STAG1: variants seen among roughly 807,000 people sequenced by gnomAD.
The protein encoded by STAG1 is cohesin subunit SA-1.
Under a neutral mutation model 170.9 loss-of-function variants are expected in STAG1, and 26 were observed. That is an observed-to-expected ratio of 0.15 (90% CI 0.11 to 0.21). The LOEUF (loss-of-function observed/expected upper bound fraction) is 0.21, where lower values mean the gene tolerates loss of function less well. Among genes scored for constraint, STAG1 ranks in the 10% least tolerant of loss-of-function variants. The probability of loss-of-function intolerance (pLI) is 1.00; values close to 1 mark genes in which losing one functional copy is unlikely to be tolerated. For missense variants in STAG1, 964 were observed against 1,509.5 expected (o/e 0.64, Z 5.99); for synonymous variants, 514 against 497.7 (o/e 1.03, Z -0.44).
At chr3:136,420,192 A>C (rs556358275) in intron 20 of STAG1, among the ~76,000 whole-genome samples, 60 of 145,986 alleles carry the variant, frequency 4.1e-4, no homozygotes, top group African/African-American at 1.5e-3. Context: ...AGTTGCAGTG[A>C]GCCGAGATCG....
chr3:136,369,547 A>T (rs1937211443), intron 23 of STAG1, among the ~76,000 whole-genome samples: 1 of 152,148 alleles, frequency 6.6e-6, no homozygotes. Flanking sequence ...GCTCATTAAG[A>T]TAGTTTGACT....
chr3:136,356,213 C>T (rs1936647364), intron 28 of STAG1, among the ~76,000 whole-genome samples: 1 of 152,006 alleles, frequency 6.6e-6, no homozygotes, highest in Non-Finnish European at 1.5e-5. Flanking sequence ...TGCTGTGCCC[C>T]CTGGCATTAG....
chr3:136,574,823 TCTAA>T (rs1417870988), intron 4 of STAG1, among the ~76,000 whole-genome samples: 10 of 152,192 alleles, frequency 6.6e-5, no homozygotes, highest in African/African-American at 1.2e-4. Flanking sequence ...ACTAATGTGA[TCTAA>T]CTAATACATA....
chr3:136,603,651 G>A lies in STAG1; in HGVS notation c.297+658C>T, dbSNP rs574125479. On this transcript the variant is annotated intron_variant, in intron 4 of 33. Coordinates refer to ENST00000383202, the MANE Select transcript of STAG1 (RefSeq NM_005862.3). ...TGTAATCCCAGTACTTTGGGAGGCC[G>A]AGGCAGGTGGATCACGAGGTCAGCA... is the stretch of plus-strand genomic sequence containing the variant. Among the ~76,000 whole-genome samples the A allele has an allele frequency of 1.4e-4, 21 of 152,256 alleles. No homozygotes were observed. In the East Asian group the frequency reaches 1.9e-3, roughly 14 times the overall value.
chr3:136,646,995 T>C (rs1021024473), intron 1 of STAG1, among the ~76,000 whole-genome samples: 2 of 152,144 alleles, frequency 1.3e-5, no homozygotes, highest in African/African-American at 2.4e-5. Context: ...TAATGAATGT[T>C]TGAGATGATA....
rs546712458 is a variant in STAG1, at chr3:136,360,189, C to T, written c.2788-893G>A. 2.0e-5 allele frequency among the ~76,000 whole-genome samples: 3 copies of T among 152,310 alleles called. No individual in the cohort carries two copies. The South Asian group carries it at 6.2e-4, about 32-fold the overall frequency. On this transcript the variant is annotated intron_variant, in intron 26 of 33. Transcript: ENST00000383202. ...CTAAAAACTTAATTTTATCTGTAGA[C>T]ATCTACCTTTCCTCCTGTTATGAGG... is the stretch of plus-strand genomic sequence containing the variant.
intron 1 of STAG1, among the ~76,000 whole-genome samples, chr3:136,677,958 T>C (rs929594390): frequency 1.4e-5 from 2 of 147,572 alleles, no homozygotes; most frequent in Non-Finnish European, 3.0e-5. Context: ...TTTATATATG[T>C]ATATAATATA....
intron 22 of STAG1, among the ~76,000 whole-genome samples, chr3:136,384,318 C>T (rs916694988): frequency 6.6e-6 from 1 of 151,442 alleles, no homozygotes; most frequent in African/African-American, 2.4e-5. Flanking sequence ...GGTGTGGTGG[C>T]ACATGTCTGT....
intron 22 of STAG1, among the ~76,000 whole-genome samples, chr3:136,392,893 T>C (rs1332856501): frequency 6.6e-6 from 1 of 152,030 alleles, no homozygotes; most frequent in Non-Finnish European, 1.5e-5. Flanking sequence ...ATAATAAGCA[T>C]ATGCTGAAGT....
At chr3:136,745,119 G>C (rs1934871212) in intron 1 of STAG1, among the ~76,000 whole-genome samples, 1 of 152,180 alleles carries the variant, frequency 6.6e-6, no homozygotes, top group African/African-American at 2.4e-5. Context: ...TTTTGTAACT[G>C]CTAGCAGAAG....
intron 14 of STAG1, among the ~76,000 whole-genome samples, chr3:136,446,560 T>C (rs1479958881): frequency 6.6e-6 from 1 of 151,866 alleles, no homozygotes; most frequent in African/African-American, 2.4e-5. Context: ...GTAGCTGAGA[T>C]GACAGGCACC....
intron 32 of STAG1, among the ~76,000 whole-genome samples, chr3:136,339,725 A>G (rs189247907): frequency 9.6e-4 from 146 of 152,308 alleles, no homozygotes; most frequent in Admixed American, 8.2e-3. Context: ...TAACTACTAC[A>G]ATGTGTTGTC....
chr3:136,466,420 G>T (rs1177605299), intron 12 of STAG1, among the ~76,000 whole-genome samples: 1 of 152,110 alleles, frequency 6.6e-6, no homozygotes, highest in Non-Finnish European at 1.5e-5. Flanking sequence ...AAGATCAAAT[G>T]AATGAAATGA....
At chr3:136,736,768 T>C (rs878946029) in intron 1 of STAG1, 28 of 1,600,204 alleles carry the variant, frequency 1.7e-5, no homozygotes, top group South Asian at 1.1e-4. Flanking sequence ...TCTGTTTATA[T>C]ACAGCTTGTT....
intron 3 of STAG1, 122 bp downstream of exon 3, chr3:136,623,022 ATC>A: frequency 1.3e-6 from 1 of 745,910 alleles, no homozygotes; most frequent in Non-Finnish European, 2.2e-6. Context: ...AAAGTTTCCA[ATC>A]TCTATTGTGT....
chr3:136,499,237 G>A (rs1933332763), intron 9 of STAG1, among the ~76,000 whole-genome samples: 1 of 152,138 alleles, frequency 6.6e-6, no homozygotes, highest in South Asian at 2.1e-4. Context: ...CCAGACTGGA[G>A]TGCAGTGGCG....
chr3:136,524,779 T>G (rs1934903326), intron 6 of STAG1, among the ~76,000 whole-genome samples: 1 of 152,228 alleles, frequency 6.6e-6, no homozygotes, highest in Non-Finnish European at 1.5e-5. Flanking sequence ...CATCAATACC[T>G]AATTTATTGA....
At chr3:136,453,094 CAT>C (rs2088992885) in intron 13 of STAG1, among the ~76,000 whole-genome samples, 3 of 152,200 alleles carry the variant, frequency 2.0e-5, no homozygotes, top group Admixed American at 2.0e-4. Flanking sequence ...GTAATTATAA[CAT>C]ATAACCAAAT....
intron 1 of STAG1, among the ~76,000 whole-genome samples, chr3:136,663,690 G>A (rs980232416): frequency 1.3e-5 from 2 of 152,090 alleles, no homozygotes; most frequent in Non-Finnish European, 2.9e-5. Flanking sequence ...AATTGAACAC[G>A]GTGGACTGAG....
Sources: allele counts gnomAD v4.1 joint callset (sites outside exome capture counted in the v4.1 genomes callset), GRCh38; gene constraint gnomAD v4.1.1; transcripts MANE v1.5; gene names NCBI Gene and HGNC (gene_info 2026-07-23, HGNC 2026-07-21).